The following MTAP variants were observed in gnomAD, a reference collection of about 807,000 sequenced individuals.
The protein encoded by MTAP is methylthioadenosine phosphorylase.
MTAP carries 33 observed loss-of-function variants against 33.6 expected under a neutral mutation model. The observed-to-expected ratio is 0.98, with a 90% CI of 0.74 to 1.31. The LOEUF (loss-of-function observed/expected upper bound fraction) is 1.31, where lower values mean the gene tolerates loss of function less well. Ranked by LOEUF, MTAP falls within the 40% of genes most tolerant of loss-of-function variation. The pLI, the probability that MTAP is intolerant of heterozygous loss-of-function variation, is 0.00. For missense variants in MTAP, 367 were observed against 360.0 expected (o/e 1.02, Z -0.16); for synonymous variants, 148 against 125.7 (o/e 1.18, Z -1.19).
chr9:21,802,949 G>C (rs1473313827), intron 1 of MTAP, 168 bp downstream of exon 1: 4 of 1,401,138 alleles, frequency 2.9e-6, no homozygotes, highest in South Asian at 1.5e-5. Context: ...CGCGAGGAGA[G>C]GGTACGCTTG....
At chr9:21,848,370 A>T (rs1447033761) in intron 5 of MTAP, among the ~76,000 whole-genome samples, 1 of 152,164 alleles carries the variant, frequency 6.6e-6, no homozygotes, top group Admixed American at 6.5e-5. Context: ...AATGGATACT[A>T]AGGGTGTGGG....
chr9:21,912,271 A>G (rs957744504), intron 1 of MTAP, among the ~76,000 whole-genome samples: 3 of 152,246 alleles, frequency 2.0e-5, no homozygotes, highest in Non-Finnish European at 4.4e-5. Flanking sequence ...AATCCTCCCT[A>G]ACTCATTTTA....
chr9:21,828,192 A>G (rs1419422680), intron 4 of MTAP, among the ~76,000 whole-genome samples: 1 of 152,228 alleles, frequency 6.6e-6, no homozygotes, highest in African/African-American at 2.4e-5. Context: ...TTTATGAGAC[A>G]TATGGATAAC....
intron 1 of MTAP, among the ~76,000 whole-genome samples, chr9:21,915,315 T>C (rs1372864065): frequency 6.6e-6 from 1 of 151,692 alleles, no homozygotes; most frequent in Non-Finnish European, 1.5e-5. Context: ...ATGGTCTCAA[T>C]CTCCTGACCT....
downstream of MTAP, among the ~76,000 whole-genome samples, chr9:21,938,449 G>A (rs1819077935): frequency 6.6e-6 from 1 of 150,902 alleles, no homozygotes; most frequent in African/African-American, 2.4e-5. Flanking sequence ...AAAAAAGAAA[G>A]AAAGAAAGGG....
intron 1 of MTAP, chr9:21,803,226 G>A (rs1208305415): frequency 9.1e-6 from 3 of 329,102 alleles, no homozygotes; most frequent in South Asian, 1.4e-4. Flanking sequence ...GTCTCCTGGT[G>A]CCTTGCGGGA....
chr9:21,837,432 G>C (rs1004151941), intron 4 of MTAP, among the ~76,000 whole-genome samples: 10 of 152,168 alleles, frequency 6.6e-5, no homozygotes, highest in African/African-American at 2.4e-4. Context: ...ATTTGCATCT[G>C]CTCTGAGTCA....
rs200093014 is a variant in MTAP, at chr9:21,911,656, G to A, written c.148-19352G>A. Among the ~76,000 whole-genome samples, 154 of 152,054 alleles carry A rather than the reference G, an allele frequency of 1.0e-3. 2 individuals are homozygous for A. In the East Asian group the frequency reaches 0.025, roughly 25 times the overall value. On this transcript the variant is annotated intron_variant, in intron 1 of 1. Coordinates refer to the MTAP transcript ENST00000577563. ...TGTGTAGAGGGAAATTTATAGCGCT[G>A]AATGCCCACAAGAGAAAGCAGGAAA...
At chr9:21,881,952 G>T (rs1461365532) in intron 1 of MTAP, among the ~76,000 whole-genome samples, 1 of 151,980 alleles carries the variant, frequency 6.6e-6, no homozygotes, top group Non-Finnish European at 1.5e-5. Context: ...ATTAAGAAGA[G>T]CCAAGAGATG....
chr9:21,893,742 T>C (rs1212053502), intron 1 of MTAP: 1 of 151,886 alleles, frequency 6.6e-6, no homozygotes, highest in Non-Finnish European at 1.5e-5. Flanking sequence ...AGTTCCAAAA[T>C]TGAATCAGTA....
intron 4 of MTAP, among the ~76,000 whole-genome samples, chr9:21,822,023 C>A (rs886398126): frequency 6.6e-6 from 1 of 151,908 alleles, no homozygotes; most frequent in Non-Finnish European, 1.5e-5. Flanking sequence ...TCTCTCTTTT[C>A]TTCTTTATTA....
At chr9:21,861,815 C>T (rs915541597) in intron 7 of MTAP, 161 bp from the exon 8 acceptor site, 4 of 627,096 alleles carry the variant, frequency 6.4e-6, no homozygotes, top group Non-Finnish European at 1.2e-5. Flanking sequence ...AGTTCCACAT[C>T]TGGTTAGTGA....
At chr9:21,889,207 G>A (rs1818160780) in intron 1 of MTAP, among the ~76,000 whole-genome samples, 1 of 151,852 alleles carries the variant, frequency 6.6e-6, no homozygotes, top group Admixed American at 6.6e-5. Context: ...GTCAGATTGG[G>A]TTAATTCAAA....
Position 21,865,563 on chromosome 9 carries a change from G to T in MTAP, c.*3549G>T. The T allele has an allele frequency of 1.0e-6, 1 of 985,758 alleles. No individual in the cohort carries two copies. The highest frequency in any genetic ancestry group is 1.2e-6 in the Non-Finnish European group (1 of 829,968). 61.1% of individuals were successfully genotyped at this position (985,758 alleles called of 1,614,324 possible). A position where few individuals can be genotyped will look rare whatever the true frequency, so the allele number is the denominator to read the frequency against. ...GAAGTTCCAGGATGGAAGAACCTGT[G>T]TTCTCCTCATAATAGTATAGAATAA... On this transcript the variant is annotated 3_prime_UTR_variant, in exon 8 of 8. Coordinates refer to ENST00000644715, the MANE Select transcript of MTAP (RefSeq NM_002451.4).
intron 4 of MTAP, among the ~76,000 whole-genome samples, chr9:21,831,634 T>G (rs914621984): frequency 4.6e-5 from 7 of 152,168 alleles, no homozygotes; most frequent in Non-Finnish European, 8.8e-5. Flanking sequence ...AGCTACATAT[T>G]TTTTAGAAAA....
At chr9:21,881,096 A>ATAAATCC (rs915291860) in intron 1 of MTAP, among the ~76,000 whole-genome samples, 30 of 152,232 alleles carry the variant, frequency 2.0e-4, no homozygotes, top group Non-Finnish European at 3.4e-4. Flanking sequence ...GAGCCCTGAA[A>ATAAATCC]TAAATCCTTT....
At chr9:21,846,363 A>G (rs1825381329) in intron 5 of MTAP, among the ~76,000 whole-genome samples, 1 of 152,164 alleles carries the variant, frequency 6.6e-6, no homozygotes, top group Non-Finnish European at 1.5e-5. Context: ...CAAACTATGC[A>G]TTCAATAGAG....
At chr9:21,918,298 A>C (rs10811637) in intron 1 of MTAP, among the ~76,000 whole-genome samples, 37,057 of 129,496 alleles carry the variant, frequency 0.29, 7,319 homozygotes, top group East Asian at 0.61. Context: ...TGCAGTGAGC[A>C]GAGATCCCGC....
At chr9:21,919,275 GT>G (rs1818745493) in intron 1 of MTAP, among the ~76,000 whole-genome samples, 2 of 152,110 alleles carry the variant, frequency 1.3e-5, no homozygotes, top group Admixed American at 6.5e-5. Flanking sequence ...ACATTCAATT[GT>G]TTTTAACTGA....
Sources: gnomAD v4.1 joint callset for allele counts (sites outside exome capture counted in the v4.1 genomes callset) on GRCh38, gnomAD v4.1.1 for gene constraint, MANE v1.5 for transcripts, NCBI Gene and HGNC (gene_info 2026-07-23, HGNC 2026-07-21) for gene names.